The following DAPK2 variants were observed in gnomAD, a reference collection of about 807,000 sequenced individuals.
DAPK2 encodes the protein death associated protein kinase 2, also known as death-associated protein kinase 2.
A neutral mutation model predicts 44.1 loss-of-function variants in DAPK2; 35 were observed. The observed-to-expected ratio is 0.79, with a 90% confidence interval of 0.61 to 1.05. DAPK2 has a LOEUF of 1.05. Among genes scored for constraint, DAPK2 ranks in the 50% least tolerant of loss-of-function variants. DAPK2 has a pLI of 0.00. For synonymous variants in DAPK2, 174 were observed against 182.6 expected, an observed-to-expected ratio of 0.95 and a Z score of 0.38; for missense variants, 453 against 483.2, an observed-to-expected ratio of 0.94 and a Z score of 0.59.
intron 1 of DAPK2, among the ~76,000 whole-genome samples, chr15:64,014,833 T>C (rs907904677): frequency 6.0e-5 from 9 of 150,856 alleles, no homozygotes; most frequent in Admixed American, 1.3e-4. Context: ...GACAGGAGAA[T>C]CACTTGAACC....
upstream of DAPK2, among the ~76,000 whole-genome samples, chr15:64,043,463 A>G (rs772038324): frequency 7.9e-5 from 12 of 152,274 alleles, no homozygotes; most frequent in Non-Finnish European, 1.3e-4. Flanking sequence ...CTGCAACAAC[A>G]TGGATGAATC....
At chr15:64,028,462 A>G (rs910817231) in intron 1 of DAPK2, among the ~76,000 whole-genome samples, 2 of 152,256 alleles carry the variant, frequency 1.3e-5, no homozygotes, top group Non-Finnish European at 1.5e-5. Flanking sequence ...CATAACCACA[A>G]GATGCAACAC....
At chr15:63,988,694 C>T (rs553849697) in intron 1 of DAPK2, among the ~76,000 whole-genome samples, 11 of 151,448 alleles carry the variant, frequency 7.3e-5, no homozygotes, top group Non-Finnish European at 1.5e-4. Context: ...TTAGTAGAGA[C>T]GGGATTTCAC....
chr15:63,922,373 G>T, intron 8 of DAPK2: 3 of 1,040,966 alleles, frequency 2.9e-6, no homozygotes, highest in Non-Finnish European at 3.5e-6. Context: ...CAGTCCATAA[G>T]GTATGTAGGC....
chr15:63,930,371 G>A, intron 5 of DAPK2, 36 bp downstream of exon 6: 1 of 1,610,116 alleles, frequency 6.2e-7, no homozygotes, highest in Non-Finnish European at 8.5e-7. Context: ...CCCTTGGAAG[G>A]ATCGCTAGGT....
intron 2 of DAPK2, among the ~76,000 whole-genome samples, chr15:63,974,390 G>A (rs1057414022): frequency 3.3e-5 from 5 of 152,194 alleles, no homozygotes; most frequent in African/African-American, 1.2e-4. Context: ...GAAGTTACAG[G>A]CAGAATCAAT....
intron 1 of DAPK2, among the ~76,000 whole-genome samples, chr15:64,027,739 C>T (rs2079892455): frequency 6.6e-6 from 1 of 152,078 alleles, no homozygotes; most frequent in Non-Finnish European, 1.5e-5. Flanking sequence ...CAAAAATACA[C>T]AAAAACAATA....
rs1370135327 is a variant in DAPK2 at position 63,928,993 on chromosome 15, G to C, written c.659+558C>G. Among the ~76,000 whole-genome samples the C allele has an allele frequency of 3.9e-5, 6 of 152,176 alleles. No individual in the cohort carries two copies. The East Asian group carries it at 1.2e-3, about 29-fold the overall frequency. ...TGAGGTGGATGGACCACGAGGTTAG[G>C]AGTTCAAGACCAGTCTGGCCAACAT... On this transcript the variant is annotated intron_variant, in intron 6 of 10. Transcript: ENST00000261891.
intron 3 of DAPK2, among the ~76,000 whole-genome samples, chr15:63,945,486 T>C (rs1225050603): frequency 6.6e-6 from 1 of 152,138 alleles, no homozygotes; most frequent in Non-Finnish European, 1.5e-5. Context: ...CCTATAGGGC[T>C]GTGATGCGGA....
In DAPK2 at chr15:63,983,768, G is replaced by C; in HGVS notation, c.93-14C>G. 1 of 1,605,788 alleles carries C rather than the reference G, an allele frequency of 6.2e-7. No individual in the cohort carries two copies. Among genetic ancestry groups the C allele is most frequent in the Non-Finnish European group, 8.5e-7 (1 of 1,177,646 alleles). ...GCAAACTGGCCACTGTGGGGACACA[G>C]ACCCACAAGATTAGGTCATCACTGT... On this transcript the variant is annotated splice_polypyrimidine_tract_variant and intron_variant, in intron 1 of 10. Coordinates refer to ENST00000261891, the Ensembl canonical transcript of DAPK2.
At chr15:63,946,582 A>G (rs1382178686) in intron 3 of DAPK2, among the ~76,000 whole-genome samples, 1 of 152,224 alleles carries the variant, frequency 6.6e-6, no homozygotes, top group Non-Finnish European at 1.5e-5. Context: ...CTTTTCTGGG[A>G]TGCAGCATGA....
chr15:64,034,894 G>T (rs571014267), intron 1 of DAPK2, among the ~76,000 whole-genome samples: 1 of 152,310 alleles, frequency 6.6e-6, no homozygotes, highest in African/African-American at 2.4e-5. Context: ...CTGGTCAGGT[G>T]TGATGGCTCA....
chr15:64,036,295 G>A (rs1357371209), intron 1 of DAPK2, among the ~76,000 whole-genome samples: 6 of 59,064 alleles, frequency 1.0e-4, no homozygotes, highest in South Asian at 4.1e-4. Flanking sequence ...GTGTGTGTGT[G>A]TGTGTGTGTG....
intron 2 of DAPK2, among the ~76,000 whole-genome samples, chr15:63,982,414 C>T (rs903808304): frequency 1.3e-5 from 2 of 152,080 alleles, no homozygotes; most frequent in African/African-American, 4.8e-5. Flanking sequence ...TGGTCTCAAA[C>T]TCCGACCTTG....
chr15:64,029,469 G>A (rs752950708), intron 1 of DAPK2, among the ~76,000 whole-genome samples: 8 of 152,196 alleles, frequency 5.3e-5, no homozygotes, highest in Middle Eastern at 3.4e-3. Context: ...GGTAGTTACC[G>A]GCCTATCTCC....
chr15:63,928,412 C>T (rs184003056), intron 6 of DAPK2: 2 of 152,276 alleles, frequency 1.3e-5, no homozygotes, highest in East Asian at 1.9e-4. Flanking sequence ...ACTGGTGCCC[C>T]CTGCCCCATC....
intron 3 of DAPK2, among the ~76,000 whole-genome samples, chr15:63,940,579 G>C (rs1026855916): frequency 2.6e-5 from 4 of 152,076 alleles, no homozygotes; most frequent in Non-Finnish European, 4.4e-5. Context: ...GGGTGTGGTG[G>C]CGCACGCCTG....
At chr15:63,953,283 T>C (rs1026397036) in intron 3 of DAPK2, among the ~76,000 whole-genome samples, 2 of 152,178 alleles carry the variant, frequency 1.3e-5, no homozygotes, top group African/African-American at 4.8e-5. Flanking sequence ...TCCAGCTCCA[T>C]CCAAGTTCTG....
chr15:64,025,031 TC>T (rs2079799351), intron 1 of DAPK2, among the ~76,000 whole-genome samples: 1 of 151,802 alleles, frequency 6.6e-6, no homozygotes, highest in African/African-American at 2.4e-5. Context: ...CTCAGCAGGC[TC>T]CCCAGTAAAC....
Sources: allele counts gnomAD v4.1 joint callset (sites outside exome capture counted in the v4.1 genomes callset), GRCh38; gene constraint gnomAD v4.1.1; transcripts MANE v1.5; gene names NCBI Gene and HGNC (gene_info 2026-07-23, HGNC 2026-07-21).